Variants in ZNF827 observed in about 807,000 individuals in gnomAD.
The protein encoded by ZNF827 is zinc finger protein 827.
Under a neutral mutation model 102.4 loss-of-function variants are expected in ZNF827, and 13 were observed. That is an observed-to-expected ratio of 0.13 (90% CI 0.08 to 0.20). ZNF827 has a LOEUF of 0.20. ZNF827 is among the 10% of genes least tolerant of loss of function. ZNF827 has a pLI of 1.00. For missense variants in ZNF827, 1,103 were observed against 1,344.4 expected (o/e 0.82, Z 2.81); for synonymous variants, 523 against 536.2 (o/e 0.98, Z 0.34).
chr4:145,909,292 A>T (rs1752095489), intron 1 of ZNF827, among the ~76,000 whole-genome samples: 1 of 152,206 alleles, frequency 6.6e-6, no homozygotes, highest in Non-Finnish European at 1.5e-5. Context: ...TGTAAATGAC[A>T]GAAAACCAGC....
chr4:145,808,205 A>T (rs1359024846), intron 8 of ZNF827, among the ~76,000 whole-genome samples: 4 of 152,140 alleles, frequency 2.6e-5, no homozygotes, highest in Non-Finnish European at 4.4e-5. Flanking sequence ...GGTTACCTAC[A>T]ATCCACATAA....
intron 7 of ZNF827, chr4:145,832,657 T>G (rs1333606843): frequency 6.6e-6 from 1 of 152,300 alleles, no homozygotes; most frequent in Non-Finnish European, 1.5e-5. Context: ...CCCCTGTGAC[T>G]TGCACGTATA....
chr4:145,900,795 CATCGTAGAACT>C (rs1751351306), intron 2 of ZNF827, among the ~76,000 whole-genome samples: 1 of 152,012 alleles, frequency 6.6e-6, no homozygotes, highest in African/African-American at 2.4e-5. Flanking sequence ...TGATTTTTTC[CATCGTAGAACT>C]ACCCCAGCCT....
intron 6 of ZNF827, 68 bp downstream of exon 6, chr4:145,849,254 A>C (rs1579366693): frequency 6.5e-7 from 1 of 1,536,868 alleles, no homozygotes; most frequent in Non-Finnish European, 8.7e-7. Flanking sequence ...TTTTTAAAAA[A>C]AACTGTGTTA....
At chr4:145,908,946 T>C (rs1752076000) in intron 1 of ZNF827, among the ~76,000 whole-genome samples, 1 of 152,178 alleles carries the variant, frequency 6.6e-6, no homozygotes. Flanking sequence ...ATTTTAATAG[T>C]AGACAAAAAT....
At chr4:145,876,231 A>ATTC (rs1749137000) in intron 4 of ZNF827, among the ~76,000 whole-genome samples, 1 of 152,206 alleles carries the variant, frequency 6.6e-6, no homozygotes, top group Non-Finnish European at 1.5e-5. Flanking sequence ...CTCCACTGAT[A>ATTC]TTCTGCACTG....
intron 8 of ZNF827, among the ~76,000 whole-genome samples, chr4:145,784,175 A>T (rs922664468): frequency 2.6e-5 from 4 of 152,188 alleles, no homozygotes; most frequent in African/African-American, 9.7e-5. Context: ...TGGAACTGTG[A>T]GCCAATTAAA....
chr4:145,866,912 C>T (rs1383895817), intron 5 of ZNF827, among the ~76,000 whole-genome samples: 1 of 152,196 alleles, frequency 6.6e-6, no homozygotes, highest in African/African-American at 2.4e-5. Flanking sequence ...TCCATGATAA[C>T]ACAGCTATCC....
intron 8 of ZNF827, among the ~76,000 whole-genome samples, chr4:145,786,390 A>AT (rs1338566301): frequency 6.6e-6 from 1 of 152,248 alleles, no homozygotes; most frequent in Non-Finnish European, 1.5e-5. Context: ...ATTGGCCAAA[A>AT]TATGACCTCA....
At chr4:145,826,818 C>A (rs927905652) in intron 7 of ZNF827, among the ~76,000 whole-genome samples, 1 of 152,072 alleles carries the variant, frequency 6.6e-6, no homozygotes, top group Non-Finnish European at 1.5e-5. Flanking sequence ...GCAATCTTGG[C>A]TCACTGCAAC....
chr4:145,763,227 A>G lies in ZNF827; in HGVS notation c.3231-105T>C. ...ACAGAAAAGCAATTTAGACATCAGC[A>G]GTCTGTTTCATTTTAAGGACATTTC... On this transcript the variant is annotated intron_variant, in intron 13 of 14. Transcript: ENST00000508784. This position sits in a 1 kb window ranked among gnomAD's most constrained non-coding sequence, Gnocchi z 4.6. The G allele has an allele frequency of 8.8e-7, 1 of 1,138,234 alleles. No homozygotes were observed. Among genetic ancestry groups the G allele is most frequent in the East Asian group, 2.6e-5 (1 of 38,812 alleles). The allele number at this position is 1,138,234 out of a possible 1,614,324, so 70.5% of individuals were successfully genotyped here. A position where few individuals can be genotyped will look rare whatever the true frequency, so the allele number is the denominator to read the frequency against.
chr4:145,798,954 T>C (rs1371489887), intron 8 of ZNF827, among the ~76,000 whole-genome samples: 2 of 152,222 alleles, frequency 1.3e-5, no homozygotes, highest in South Asian at 2.1e-4. Context: ...TCTGACATTG[T>C]TGAAAAACAG....
chr4:145,768,890 A>AAAAT (rs1553975847), intron 11 of ZNF827, among the ~76,000 whole-genome samples: 2 of 7,726 alleles, frequency 2.6e-4, no homozygotes, highest in Non-Finnish European at 6.3e-4. Flanking sequence ...AAAAAAAAAA[A>AAAAT]ATATATATAT....
chr4:145,872,557 C>T (rs1015705446), intron 4 of ZNF827, among the ~76,000 whole-genome samples: 2 of 152,144 alleles, frequency 1.3e-5, no homozygotes, highest in African/African-American at 4.8e-5. Flanking sequence ...CAATCACATG[C>T]TATATGGTTT....
At chr4:145,919,964 T>C (rs988897270) in intron 1 of ZNF827, among the ~76,000 whole-genome samples, 2 of 152,246 alleles carry the variant, frequency 1.3e-5, no homozygotes, top group Non-Finnish European at 2.9e-5. Context: ...TCGAATCTTA[T>C]CCTGCTATAC....
chr4:145,799,866 G>A (rs1380046668), intron 8 of ZNF827, among the ~76,000 whole-genome samples: 1 of 152,216 alleles, frequency 6.6e-6, no homozygotes, highest in African/African-American at 2.4e-5. Context: ...GATGGAAGAT[G>A]TAAGCCAAGA....
chr4:145,864,248 A>T (rs7667391), intron 5 of ZNF827, among the ~76,000 whole-genome samples: 28,010 of 151,428 alleles, frequency 0.18, 3,112 homozygotes, highest in East Asian at 0.43. Context: ...ATCAGTCTAG[A>T]AATGCCCTCT....
At chr4:145,796,468 T>C (rs1324440376) in intron 8 of ZNF827, among the ~76,000 whole-genome samples, 2 of 152,110 alleles carry the variant, frequency 1.3e-5, no homozygotes, top group African/African-American at 4.8e-5. Flanking sequence ...AAATCAAATT[T>C]CTAACCAATT....
intron 1 of ZNF827, among the ~76,000 whole-genome samples, chr4:145,904,739 T>C (rs1299382642): frequency 6.6e-6 from 1 of 152,228 alleles, no homozygotes; most frequent in Non-Finnish European, 1.5e-5. Context: ...TGCGCGTGTG[T>C]GCACATGCAC....
Sources: allele counts gnomAD v4.1 joint callset (sites outside exome capture counted in the v4.1 genomes callset), GRCh38; gene constraint gnomAD v4.1.1; non-coding constraint Gnocchi (gnomAD v3.1); transcripts MANE v1.5; gene names NCBI Gene and HGNC (gene_info 2026-07-23, HGNC 2026-07-21).